Variants in TXNDC16 observed in about 807,000 individuals in gnomAD.
The protein encoded by TXNDC16 is thioredoxin domain containing 16.
TXNDC16 carries 74 observed loss-of-function variants against 85.6 expected under a neutral mutation model. The ratio of observed to expected loss-of-function variants is 0.86; its 90% CI spans 0.72 to 1.05. The LOEUF (loss-of-function observed/expected upper bound fraction) is 1.05, where lower values mean the gene tolerates loss of function less well. Among genes scored for constraint, TXNDC16 ranks in the 50% least tolerant of loss-of-function variants. The probability of loss-of-function intolerance (pLI) is 0.00; values close to 1 mark genes in which losing one functional copy is unlikely to be tolerated. For missense variants in TXNDC16, 959 were observed against 947.0 expected (o/e 1.01, Z -0.17); for synonymous variants, 335 against 326.5 (o/e 1.03, Z -0.28).
At chr14:52,470,795 C>G (rs2035889671) in intron 14 of TXNDC16, 115 bp from the exon 15 acceptor site, 1 of 872,486 alleles carries the variant, frequency 1.1e-6, no homozygotes, top group African/African-American at 1.7e-5. Context: ...ATGAAACACT[C>G]CTGCTTAAAC....
At chr14:52,528,978 T>C (rs1050930395) in intron 6 of TXNDC16, among the ~76,000 whole-genome samples, 4 of 147,810 alleles carry the variant, frequency 2.7e-5, no homozygotes, top group African/African-American at 9.8e-5. Context: ...ACCTATTCTA[T>C]ATAATCTATA....
chr14:52,449,562 G>A (rs2035360712), intron 18 of TXNDC16, among the ~76,000 whole-genome samples: 1 of 152,024 alleles, frequency 6.6e-6, no homozygotes, highest in South Asian at 2.1e-4. Flanking sequence ...AATCCGCAAA[G>A]AAACCTCAGA....
intron 4 of TXNDC16, among the ~76,000 whole-genome samples, chr14:52,542,049 T>C (rs1287700571): frequency 6.6e-6 from 1 of 152,166 alleles, no homozygotes; most frequent in Non-Finnish European, 1.5e-5. Context: ...TATTATGAAA[T>C]ATTCATTAGG....
chr14:52,525,727 AAT>A (rs1566578174), intron 6 of TXNDC16, among the ~76,000 whole-genome samples: 3 of 141,310 alleles, frequency 2.1e-5, no homozygotes, highest in East Asian at 2.1e-4. Context: ...TAATAATAAT[AAT>A]AATAATAATA....
intron 9 of TXNDC16, among the ~76,000 whole-genome samples, chr14:52,507,073 G>C (rs1439073121): frequency 1.3e-5 from 2 of 152,104 alleles, no homozygotes; most frequent in Non-Finnish European, 2.9e-5. Flanking sequence ...GGGCAATCAG[G>C]AAAGAGAAGG....
At chr14:52,443,249 C>T (rs577590017) in intron 18 of TXNDC16, among the ~76,000 whole-genome samples, 15 of 152,312 alleles carry the variant, frequency 9.8e-5, no homozygotes, top group African/African-American at 3.1e-4. Flanking sequence ...CCTACATCTT[C>T]TCCTGTGCTG....
chr14:52,550,692 A>G (rs750692771), intron 1 of TXNDC16, among the ~76,000 whole-genome samples: 3 of 152,324 alleles, frequency 2.0e-5, no homozygotes, highest in Admixed American at 6.5e-5. Flanking sequence ...TTTAAAGTCT[A>G]TTGATGACTT....
chr14:52,512,941 G>C (rs1413955143), intron 8 of TXNDC16, among the ~76,000 whole-genome samples: 1 of 152,056 alleles, frequency 6.6e-6, no homozygotes, highest in East Asian at 1.9e-4. Context: ...AAGTTCCTGG[G>C]AGAGAGGATC....
intron 4 of TXNDC16, among the ~76,000 whole-genome samples, chr14:52,539,022 A>G (rs1403742586): frequency 6.6e-6 from 1 of 152,226 alleles, no homozygotes; most frequent in African/African-American, 2.4e-5. Flanking sequence ...GTGTCCATTC[A>G]TTCATCAATT....
intron 14 of TXNDC16, among the ~76,000 whole-genome samples, chr14:52,480,388 C>CA (rs1187813680): frequency 6.6e-6 from 1 of 151,942 alleles, no homozygotes; most frequent in Non-Finnish European, 1.5e-5. Flanking sequence ...ACAGACAACT[C>CA]ACAGAATGGG....
At chr14:52,487,901 CTG>C in intron 12 of TXNDC16, among the ~76,000 whole-genome samples, 1 of 152,190 alleles carries the variant, frequency 6.6e-6, no homozygotes, top group Non-Finnish European at 1.5e-5. Context: ...ACTGAAATAA[CTG>C]TTTAAACGAA....
At chr14:52,439,090 T>A in intron 20 of TXNDC16, 114 bp downstream of exon 20, 1 of 1,123,008 alleles carries the variant, frequency 8.9e-7, no homozygotes, top group Non-Finnish European at 1.3e-6. Context: ...TCCACATGGA[T>A]GATGCTACCA....
At chr14:52,481,567 C>T (rs2036151505) in intron 14 of TXNDC16, among the ~76,000 whole-genome samples, 1 of 152,174 alleles carries the variant, frequency 6.6e-6, no homozygotes, top group South Asian at 2.1e-4. Flanking sequence ...GCCCAGTAAG[C>T]TGATATAAGG....
chr14:52,534,937 G>A (rs541267721), intron 6 of TXNDC16, among the ~76,000 whole-genome samples: 2 of 152,266 alleles, frequency 1.3e-5, no homozygotes, highest in African/African-American at 4.8e-5. Context: ...AAGCAGGACT[G>A]AATGAGCTGA....
intron 7 of TXNDC16, among the ~76,000 whole-genome samples, chr14:52,516,540 C>A (rs2037086737): frequency 6.6e-6 from 1 of 152,132 alleles, no homozygotes; most frequent in South Asian, 2.1e-4. Context: ...ATCTAATATT[C>A]TAAAATTTCA....
chr14:52,491,013 G>GA lies in TXNDC16; in HGVS notation c.757-9dup, dbSNP rs369712294. 141,912 of 1,176,282 alleles carry GA rather than the reference G, an allele frequency of 0.12. 1,377 individuals carry two copies. The highest frequency in any genetic ancestry group is 0.2 in the African/African-American group (9,774 of 47,948). 72.9% of individuals were successfully genotyped at this position (1,176,282 alleles called of 1,614,324 possible). A position where few individuals can be genotyped will look rare whatever the true frequency, so the allele number is the denominator to read the frequency against. On this transcript the variant is annotated splice_polypyrimidine_tract_variant and intron_variant, in intron 9 of 20. Coordinates refer to ENST00000281741, the MANE Select transcript of TXNDC16 (RefSeq NM_020784.3). ...ATCTTCAGCAACTTCAGTCTTCATT[G>GA]AAAAAAAAAAAAAAAAAAGGTGTGA...
chr14:52,453,060 A>G (rs1442488573), intron 18 of TXNDC16, among the ~76,000 whole-genome samples: 1 of 152,206 alleles, frequency 6.6e-6, no homozygotes, highest in East Asian at 1.9e-4. Context: ...ACATACAAAC[A>G]GCAAACAGGT....
At position 52,439,337 on chromosome 14, in the gene TXNDC16, G is replaced by C; in HGVS notation, c.2061C>G (p.Pro687=). ...ILRAYFDPLP[P]LPLLVLVNLH... is the part of the protein sequence containing the mutation. ...GATTCACCAAAACAAGAAGAGGAAG[G>C]GGAGGCAGAGGATCAAAATATGCCC... The change falls in exon 20 of 21, where the codon CCC becomes CCG. Residue 687 remains proline, a synonymous_variant. Coordinates refer to ENST00000281741, the MANE Select transcript of TXNDC16 (RefSeq NM_020784.3). 6.2e-7 allele frequency: 1 copy of C among 1,614,000 alleles called. No homozygotes were observed. The highest frequency in any genetic ancestry group is 8.5e-7 in the Non-Finnish European group (1 of 1,179,968).
intron 6 of TXNDC16, among the ~76,000 whole-genome samples, chr14:52,527,107 TC>T (rs1490673387): frequency 1.3e-5 from 2 of 152,194 alleles, no homozygotes; most frequent in African/African-American, 4.8e-5. Flanking sequence ...AATAATTGTT[TC>T]CCTGAGTTCT....
Sources: gnomAD v4.1 joint callset for allele counts (sites outside exome capture counted in the v4.1 genomes callset) on GRCh38, gnomAD v4.1.1 for gene constraint, MANE v1.5 for transcripts, NCBI Gene and HGNC (gene_info 2026-07-23, HGNC 2026-07-21) for gene names.